Variants in ATP5F1A observed in about 807,000 individuals in gnomAD.
The protein encoded by ATP5F1A is ATP synthase F1 subunit alpha.
A neutral mutation model predicts 57.4 loss-of-function variants in ATP5F1A; 24 were observed. The observed-to-expected ratio is 0.42, with a 90% CI of 0.30 to 0.59. The LOEUF (loss-of-function observed/expected upper bound fraction) is 0.59. Among genes scored for constraint, ATP5F1A ranks in the 20% least tolerant of loss-of-function variants. ATP5F1A has a pLI of 0.19. For synonymous variants in ATP5F1A, 251 were observed against 255.5 expected, an observed-to-expected ratio of 0.98 and a Z score of 0.17; for missense variants, 494 against 707.9, an observed-to-expected ratio of 0.70 and a Z score of 3.43.
intron 10 of ATP5F1A, chr18:46,085,327 AAG>A (rs1454387045): frequency 1.3e-5 from 2 of 149,786 alleles, no homozygotes; most frequent in African/African-American, 4.9e-5. Flanking sequence ...AAAAAAAAGA[AAG>A]AAAGAAAAAG....
chr18:46,086,583 A>C, intron 8 of ATP5F1A, 89 bp from the exon 9 acceptor site: 1 of 1,250,176 alleles, frequency 8.0e-7, no homozygotes, highest in Middle Eastern at 1.9e-4. Context: ...AAAAGCTGAA[A>C]CTCAAAACCT....
At chr18:46,100,251 T>TAAAAAAAAAAA (rs34683117), upstream of ATP5F1A, among the ~76,000 whole-genome samples, 3 of 68,664 alleles carry the variant, frequency 4.4e-5, no homozygotes, top group Admixed American at 1.8e-4. Flanking sequence ...AAACTCCATC[T>TAAAAAAAAAAA]AAAAAAAAAA....
Position 46,089,947 on chromosome 18 carries a change from C to T in ATP5F1A, c.359G>A (p.Gly120Glu). ...TCCTTCCTTAATTAGTTTATCATTT[C>T]CAAACACGACAACACCAACATTGTC... ...EPDNVGVVVF[G>E]NDKLIKEGDI... The change falls in exon 4 of 12, where the codon GGA becomes GAA. Residue 120 changes from glycine to glutamate, a missense_variant. Around this residue, in one of 6 missense-constraint regions of ATP5F1A, gnomAD observed 191 missense variants for 267.7 expected, o/e 0.71. Coordinates refer to ENST00000398752, the MANE Select transcript of ATP5F1A (RefSeq NM_004046.6). 6.2e-7 allele frequency: 1 copy of T among 1,612,464 alleles called. No homozygotes were observed. Among genetic ancestry groups the T allele is most frequent in the Non-Finnish European group, 8.5e-7 (1 of 1,179,410 alleles).
intron 1 of ATP5F1A, chr18:46,097,956 G>T: frequency 7.7e-7 from 1 of 1,291,330 alleles, no homozygotes; most frequent in Non-Finnish European, 9.8e-7. Context: ...GGACACCATC[G>T]AGTTAACTGT....
At position 46,093,067 on chromosome 18, in the gene ATP5F1A, T is replaced by C. The variant is rs1019861778; in HGVS notation, c.140-1216A>G. ...GGGTGGCTGAGGCACGAGAATCACT[T>C]GAACCTGGGAGAAGGAGGTTGCAGT... On this transcript the variant is annotated intron_variant, in intron 2 of 11. Transcript: ENST00000398752. 3 of 151,812 alleles carry C rather than the reference T, an allele frequency of 2.0e-5. No homozygotes were observed. The East Asian group carries it at 5.8e-4, about 30-fold the overall frequency. The allele number at this position is 151,812 out of a possible 1,614,324, so 9.4% of individuals were successfully genotyped here. A position where few individuals can be genotyped will look rare whatever the true frequency, so the allele number is the denominator to read the frequency against.
In ATP5F1A at chr18:46,084,043, T is replaced by C. The variant is rs1909909153; in HGVS notation, c.*239A>G. 7.7e-6 allele frequency: 3 copies of C among 390,712 alleles called. No homozygotes were observed. Among genetic ancestry groups the C allele is most frequent in the Admixed American group, 4.5e-5 (1 of 22,348 alleles). 24.2% of individuals were successfully genotyped at this position (390,712 alleles called of 1,614,324 possible). On this transcript the variant is annotated 3_prime_UTR_variant, in exon 12 of 12. Coordinates refer to ENST00000398752, the MANE Select transcript of ATP5F1A (RefSeq NM_004046.6). ...CTCAGCCTTGAATTATCTAGCCCAG[T>C]TGACTGTACCAATATTCAAGTAAAA...
intron 1 of ATP5F1A, 21 bp downstream of exon 1, chr18:46,098,151 A>G (rs911419544): frequency 1.3e-6 from 2 of 1,595,890 alleles, no homozygotes; most frequent in East Asian, 4.5e-5. Context: ...CGCCTGCATC[A>G]TGCCGGCCTT....
intron 3 of ATP5F1A, among the ~76,000 whole-genome samples, chr18:46,090,523 A>G (rs1039304815): frequency 2.0e-5 from 3 of 152,242 alleles, no homozygotes; most frequent in African/African-American, 7.2e-5. Flanking sequence ...TCATAACATA[A>G]CAGCACCAAA....
chr18:46,083,179 C>A lies in ATP5F1A; in HGVS notation c.*1103G>T, dbSNP rs950964222. ...AGATGGCCGGGCATGGTAGTTCACA[C>A]CTGTAATCCCAGCACTTTGGGAGAC... On this transcript the variant is annotated 3_prime_UTR_variant, in exon 12 of 12. Coordinates refer to ENST00000398752, the MANE Select transcript of ATP5F1A (RefSeq NM_004046.6). 6.6e-6 allele frequency: 1 copy of A among 152,354 alleles called. No homozygotes were observed. The highest frequency in any genetic ancestry group is 1.5e-5 in the Non-Finnish European group (1 of 68,188). 9.4% of individuals were successfully genotyped at this position (152,354 alleles called of 1,614,324 possible). A position where few individuals can be genotyped will look rare whatever the true frequency, so the allele number is the denominator to read the frequency against.
At chr18:46,100,251 TAAAAAA>T (rs34683117), upstream of ATP5F1A, among the ~76,000 whole-genome samples, 1 of 68,670 alleles carries the variant, frequency 1.5e-5, no homozygotes, top group African/African-American at 5.4e-5. Context: ...AAACTCCATC[TAAAAAA>T]AAAAAAAAAA....
intron 5 of ATP5F1A, among the ~76,000 whole-genome samples, chr18:46,089,060 C>T (rs1418834207): frequency 6.6e-6 from 1 of 151,880 alleles, no homozygotes; most frequent in African/African-American, 2.4e-5. Context: ...GACCCTCTCC[C>T]CACCATTAAC....
chr18:46,082,385 CTCA>C lies in ATP5F1A; in HGVS notation c.*1894_*1896del, dbSNP rs1568241098. ...AGCCTGGGAGACAGTGAGACTCCGT[CTCA>C]AAAAAAAAAAAAAAAGGCCAGGTGT... On this transcript the variant is annotated 3_prime_UTR_variant, in exon 12 of 12. Transcript: ENST00000398752. The C allele has an allele frequency of 3.8e-5, 3 of 78,538 alleles. No individual in the cohort carries two copies. The highest frequency in any genetic ancestry group is 4.6e-4 in the South Asian group (1 of 2,192). The allele number at this position is 78,538 out of a possible 1,614,324, so 4.9% of individuals were successfully genotyped here.
intron 1 of ATP5F1A, 50 bp downstream of exon 1, chr18:46,098,121 AC>A: frequency 6.4e-7 from 1 of 1,563,636 alleles, no homozygotes; most frequent in Non-Finnish European, 8.6e-7. Context: ...GCGCACCACC[AC>A]CCTGCAGCCC....
In ATP5F1A at chr18:46,091,813, G is replaced by C. The variant is rs11541932; in HGVS notation, c.178C>G (p.Leu60Val). The C allele has an allele frequency of 1.9e-6, 3 of 1,613,652 alleles. No homozygotes were observed. The highest frequency in any genetic ancestry group is 2.5e-6 in the Non-Finnish European group (3 of 1,179,926). Residue 60 changes from leucine (L) to valine (V), a missense_variant, in exon 3 of 12, where the codon CTT becomes GTT. By Grantham distance (32) the Leu-to-Val change is conservative (BLOSUM62 1). Coordinates refer to ENST00000398752, the MANE Select transcript of ATP5F1A (RefSeq NM_004046.6). ...EMSSILEERI[L>V]GADTSVDLEE... ...AGATCAACAGAGGTATCAGCTCCAA[G>C]AATACGCTCTTCAAGAATAGAGGAC...
At position 46,084,016 on chromosome 18, in the gene ATP5F1A, A is replaced by T. The variant is rs1488203951; in HGVS notation, c.*266T>A. ...AAAAACAAAAAAAAAACTTACAAAG[A>T]GCTCAGCCTTGAATTATCTAGCCCA... On this transcript the variant is annotated 3_prime_UTR_variant, in exon 12 of 12. Transcript: ENST00000398752. 5 of 296,568 alleles carry T rather than the reference A, an allele frequency of 1.7e-5. No homozygotes were observed. Among genetic ancestry groups the T allele is most frequent in the East Asian group, 1.2e-4 (2 of 16,838 alleles). 18.4% of individuals were successfully genotyped at this position (296,568 alleles called of 1,614,324 possible). A position where few individuals can be genotyped will look rare whatever the true frequency, so the allele number is the denominator to read the frequency against.
chr18:46,087,334 C>G lies in ATP5F1A; in HGVS notation c.951+7G>C, dbSNP rs748362380. 2 of 1,613,684 alleles carry G rather than the reference C, an allele frequency of 1.2e-6. No homozygotes were observed. The highest frequency in any genetic ancestry group is 1.7e-6 in the Non-Finnish European group (2 of 1,179,872). ...TAAATGGATTCTAAAAATTTATTTC[C>G]TTTGACCTGTTTGGATAAGTCGTCA... On this transcript the variant is annotated splice_region_variant and intron_variant, in intron 7 of 11. Transcript: ENST00000398752.
chr18:46,101,393 C>T (rs141405220), upstream of ATP5F1A, among the ~76,000 whole-genome samples: 893 of 151,890 alleles, frequency 5.9e-3, 19 homozygotes, highest in Admixed American at 0.034. Flanking sequence ...GGCAAAACCC[C>T]GTCTCTACTA....
chr18:46,095,025 C>T (rs369713479), intron 2 of ATP5F1A, 28 bp downstream of exon 2: 45 of 1,587,800 alleles, frequency 2.8e-5, no homozygotes, highest in Non-Finnish European at 2.7e-5. Context: ...CTAGTAAGTG[C>T]GGCGTAGACT....
chr18:46,101,836 G>A (rs1218130380), upstream of ATP5F1A, among the ~76,000 whole-genome samples: 2 of 143,650 alleles, frequency 1.4e-5, no homozygotes, highest in Non-Finnish European at 3.0e-5. Flanking sequence ...AGGTTGCAGT[G>A]ACCACTGCAC....
Sources: gnomAD v4.1 joint callset for allele counts (sites outside exome capture counted in the v4.1 genomes callset) on GRCh38, gnomAD v4.1.1 for gene constraint, gnomAD v4.1.1 regional missense constraint, MANE v1.5 for transcripts, NCBI Gene and HGNC (gene_info 2026-07-23, HGNC 2026-07-21) for gene names.